GPAT3: variants seen among roughly 807,000 people sequenced by gnomAD.
GPAT3 encodes the protein 1-AGP acyltransferase 9.
In GPAT3, 53 loss-of-function variants were observed where a neutral mutation model predicts 58.8. The observed-to-expected ratio is 0.90, with a 90% confidence interval of 0.72 to 1.13. GPAT3 has a LOEUF of 1.13. Among genes scored for constraint, GPAT3 ranks in the 50% most tolerant of loss-of-function variants. The pLI is 0.00. For synonymous variants in GPAT3, 197 were observed against 187.4 expected (o/e 1.05, Z -0.42); for missense variants, 511 against 527.6 (o/e 0.97, Z 0.31).
At chr4:83,561,832 T>C (rs183297511) in intron 2 of GPAT3, among the ~76,000 whole-genome samples, 41 of 150,780 alleles carry the variant, frequency 2.7e-4, no homozygotes, top group Admixed American at 1.2e-3. Context: ...AGAGAGAGAA[T>C]TGCCTTGCCA....
chr4:83,575,684 G>A (rs1001714882), intron 2 of GPAT3, among the ~76,000 whole-genome samples: 1 of 152,174 alleles, frequency 6.6e-6, no homozygotes, highest in African/African-American at 2.4e-5. Flanking sequence ...ACAGTGCTGG[G>A]ATTACAGGCA....
chr4:83,549,166 GA>G (rs36115990), intron 2 of GPAT3, among the ~76,000 whole-genome samples: 2,865 of 128,038 alleles, frequency 0.022, 99 homozygotes, highest in African/African-American at 0.07. Context: ...AGACCCATCT[GA>G]AAAAAAAAAA....
rs1377057067 is a variant in GPAT3 at position 83,605,219 on chromosome 4, T to C, written c.*452T>C. 6.6e-6 allele frequency: 1 copy of C among 152,314 alleles called. No homozygotes were observed. The highest frequency in any genetic ancestry group is 1.5e-5 in the Non-Finnish European group (1 of 68,168). The allele number at this position is 152,314 out of a possible 1,614,324, so 9.4% of individuals were successfully genotyped here. On this transcript the variant is annotated 3_prime_UTR_variant, in exon 12 of 12. Coordinates refer to ENST00000264409, the MANE Select transcript of GPAT3 (RefSeq NM_032717.5). Reference sequence around the variant, plus strand: ...ATTATGGTTATGGTCTACTGCAAGGTTGAAAGGAAAAATGGAGGATTGTAT... The same window carrying C: ...ATTATGGTTATGGTCTACTGCAAGGCTGAAAGGAAAAATGGAGGATTGTAT...
intron 2 of GPAT3, among the ~76,000 whole-genome samples, chr4:83,578,937 CT>C (rs370847196): frequency 0.095 from 227 of 2,380 alleles, 5 homozygotes; most frequent in African/African-American, 0.23. Flanking sequence ...TTCTTTCTTT[CT>C]TTTCTTTTCT....
intron 2 of GPAT3, among the ~76,000 whole-genome samples, chr4:83,565,558 G>T (rs1276163415): frequency 6.6e-6 from 1 of 151,648 alleles, no homozygotes; most frequent in Non-Finnish European, 1.5e-5. Context: ...GAGTGCAGTG[G>T]TGCGCTCTCG....
chr4:83,600,706 A>G (rs1007438469), intron 11 of GPAT3, among the ~76,000 whole-genome samples: 2 of 151,928 alleles, frequency 1.3e-5, no homozygotes, highest in African/African-American at 4.8e-5. Flanking sequence ...GAGTTTCACT[A>G]TGTTGGCCAG....
intron 2 of GPAT3, among the ~76,000 whole-genome samples, chr4:83,570,685 G>T (rs1725572709): frequency 6.6e-6 from 1 of 152,006 alleles, no homozygotes; most frequent in South Asian, 2.1e-4. Flanking sequence ...GTTGGCCAGG[G>T]TGGTCTCGAA....
chr4:83,591,359 A>T (rs186382669), intron 6 of GPAT3, among the ~76,000 whole-genome samples: 1 of 152,358 alleles, frequency 6.6e-6, no homozygotes, highest in Non-Finnish European at 1.5e-5. Flanking sequence ...ATACATGGCC[A>T]GATATATAAC....
chr4:83,556,474 G>GT (rs1486289950), intron 2 of GPAT3, among the ~76,000 whole-genome samples: 1 of 151,532 alleles, frequency 6.6e-6, no homozygotes, highest in Non-Finnish European at 1.5e-5. Flanking sequence ...CTCCAGCCTG[G>GT]GTGACACAGT....
intron 2 of GPAT3, among the ~76,000 whole-genome samples, chr4:83,573,861 T>C (rs1225074316): frequency 6.6e-6 from 1 of 152,242 alleles, no homozygotes; most frequent in African/African-American, 2.4e-5. Context: ...CTTGCTTGTA[T>C]ACCTCTCATC....
At chr4:83,581,277 AATGGTATGCAGGGAAG>A (rs1347867718) in intron 2 of GPAT3, among the ~76,000 whole-genome samples, 1 of 151,656 alleles carries the variant, frequency 6.6e-6, no homozygotes, top group Non-Finnish European at 1.5e-5. Flanking sequence ...TTCTTTGTCT[AATGGTATGCAGGGAAG>A]AATTCCAAAC....
In GPAT3 at chr4:83,536,500, G is replaced by C; in HGVS notation, c.-123G>C. ...TTTTTTTCCTTCCTCTCTTCCCTTCGCAGAGGTGAGTGCCGGGCTCGGCGC... is the reference window on the plus strand; with the variant it reads ...TTTTTTTCCTTCCTCTCTTCCCTTCCCAGAGGTGAGTGCCGGGCTCGGCGC... On this transcript the variant is annotated 5_prime_UTR_variant, in exon 1 of 12. Transcript: ENST00000264409. The C allele has an allele frequency of 2.0e-6, 3 of 1,490,912 alleles. No homozygotes were observed. Among genetic ancestry groups the C allele is most frequent in the South Asian group, 2.8e-5 (2 of 71,470 alleles). 92.4% of individuals were successfully genotyped at this position (1,490,912 alleles called of 1,614,324 possible). A position where few individuals can be genotyped will look rare whatever the true frequency, so the allele number is the denominator to read the frequency against.
chr4:83,539,289 C>G (rs1172090202), intron 1 of GPAT3, among the ~76,000 whole-genome samples: 2 of 152,198 alleles, frequency 1.3e-5, no homozygotes, highest in African/African-American at 4.8e-5. Flanking sequence ...TGTATCACTC[C>G]TTGGTAAATT....
chr4:83,596,876 T>C lies in GPAT3; in HGVS notation c.873T>C (p.Ala291=). The stretch of plus-strand genomic sequence containing the variant: ...TCCATAGACTAAAAGAACATATTGC[T>C]GATAAGAAGAAACTACCCATACTAA... ...LVTKRLKEHI[A]DKKKLPILIF... The change falls in exon 8 of 12, where the codon GCT becomes GCC. Residue 291 remains alanine (A), a synonymous_variant. Transcript: ENST00000264409. 2 of 1,602,924 alleles carry C rather than the reference T, an allele frequency of 1.2e-6. No individual in the cohort carries two copies. Among genetic ancestry groups the C allele is most frequent in the South Asian group, 2.3e-5 (2 of 87,818 alleles).
intron 2 of GPAT3, among the ~76,000 whole-genome samples, chr4:83,579,593 C>T (rs918614686): frequency 6.6e-6 from 1 of 152,064 alleles, no homozygotes; most frequent in South Asian, 2.1e-4. Context: ...TGCCAAGCCC[C>T]TATTGCTTTA....
chr4:83,543,319 G>A (rs6841172), intron 1 of GPAT3, among the ~76,000 whole-genome samples: 51,936 of 151,954 alleles, frequency 0.34, 9,831 homozygotes, highest in Middle Eastern at 0.5. Flanking sequence ...AATTATTACA[G>A]TACTTTTTAG....
At chr4:83,541,346 T>C (rs1396136255) in intron 1 of GPAT3, among the ~76,000 whole-genome samples, 1 of 150,062 alleles carries the variant, frequency 6.7e-6, no homozygotes, top group African/African-American at 2.4e-5. Flanking sequence ...TCCTCCTGAG[T>C]GGCTGGGCCC....
At position 83,587,253 on chromosome 4, in the gene GPAT3, A is replaced by G; in HGVS notation, c.480-2A>G. 2 of 1,612,178 alleles carry G rather than the reference A, an allele frequency of 1.2e-6. No individual in the cohort carries two copies. Among genetic ancestry groups the G allele is most frequent in the Non-Finnish European group, 1.7e-6 (2 of 1,179,408 alleles). The stretch of plus-strand genomic sequence containing the variant: ...TATATGGCCCTCTCTTTTCTTTTTC[A>G]GGGTTACCTTGGCTTTCATTGGGAT... On this transcript the variant is annotated splice_acceptor_variant, in intron 3 of 11. Transcript: ENST00000264409. LOFTEE classifies it high-confidence loss of function.
intron 2 of GPAT3, among the ~76,000 whole-genome samples, chr4:83,565,383 G>A (rs936098687): frequency 2.0e-5 from 3 of 152,128 alleles, no homozygotes; most frequent in African/African-American, 7.2e-5. Context: ...TTACAGGTGT[G>A]AGCCACCACG....
Sources: allele counts gnomAD v4.1 joint callset (sites outside exome capture counted in the v4.1 genomes callset), GRCh38; gene constraint gnomAD v4.1.1; transcripts MANE v1.5; gene names NCBI Gene and HGNC (gene_info 2026-07-23, HGNC 2026-07-21).